Variants in DIP2C observed in about 807,000 individuals in gnomAD.
DIP2C encodes the protein disco-interacting protein 2 homolog C.
In DIP2C, 33 loss-of-function variants were observed where a neutral mutation model predicts 192.4. That is an observed-to-expected ratio of 0.17 (90% confidence interval 0.13 to 0.23). The LOEUF (loss-of-function observed/expected upper bound fraction) is 0.23. Among genes scored for constraint, DIP2C ranks in the 10% least tolerant of loss-of-function variants. The pLI is 1.00. For missense variants in DIP2C, 1,537 were observed against 2,110.1 expected (o/e 0.73, Z 5.32); for synonymous variants, 979 against 864.1 (o/e 1.13, Z -2.33).
At chr10:544,141 CG>C (rs1848156298) in intron 1 of DIP2C, among the ~76,000 whole-genome samples, 2 of 150,618 alleles carry the variant, frequency 1.3e-5, no homozygotes, top group African/African-American at 5.0e-5. Flanking sequence ...TCGCACAGTG[CG>C]TGACCTTTGG....
At chr10:670,366 AC>A (rs1830572142) in intron 1 of DIP2C, among the ~76,000 whole-genome samples, 1 of 152,030 alleles carries the variant, frequency 6.6e-6, no homozygotes, top group Non-Finnish European at 1.5e-5. Context: ...ACACATACAC[AC>A]ATGCACACAC....
chr10:283,429 G>C lies in DIP2C; in HGVS notation c.4137C>G (p.Ala1379=), dbSNP rs1168592766. ...SHLGEIWVHS[A]HNASGYFTIY... ...TAGTGAAATAACCGCTGGCATTGTG[G>C]GCACTGTGAACCCAAATCTGCAAAC... Residue 1379 remains alanine, a synonymous_variant, in exon 35 of 37, where the codon GCC becomes GCG. Coordinates refer to ENST00000280886, the MANE Select transcript of DIP2C (RefSeq NM_014974.3). The C allele has an allele frequency of 6.2e-7, 1 of 1,614,144 alleles. No homozygotes were observed. Among genetic ancestry groups the C allele is most frequent in the South Asian group, 1.1e-5 (1 of 91,066 alleles).
At chr10:475,103 G>C (rs1303836069) in intron 2 of DIP2C, among the ~76,000 whole-genome samples, 1 of 152,132 alleles carries the variant, frequency 6.6e-6, no homozygotes, top group African/African-American at 2.4e-5. Flanking sequence ...TGGAGCCTCT[G>C]TTGTCAGTAT....
chr10:568,886 A>G (rs1014310545), intron 1 of DIP2C, among the ~76,000 whole-genome samples: 9 of 151,402 alleles, frequency 5.9e-5, no homozygotes, highest in South Asian at 2.1e-4. Context: ...GAGCCGTTCA[A>G]GAGTAACAAA....
At chr10:615,696 C>G (rs930039815) in intron 1 of DIP2C, among the ~76,000 whole-genome samples, 6 of 152,158 alleles carry the variant, frequency 3.9e-5, no homozygotes, top group African/African-American at 1.2e-4. Flanking sequence ...GATGACACAT[C>G]CATGCCTCAT....
intron 1 of DIP2C, among the ~76,000 whole-genome samples, chr10:683,711 G>A (rs1021015903): frequency 1.4e-4 from 21 of 152,166 alleles, no homozygotes; most frequent in Non-Finnish European, 2.5e-4. Context: ...TGGGACTGAC[G>A]GGGCCCTGGG....
At chr10:415,111 T>A (rs1965544430) in intron 7 of DIP2C, among the ~76,000 whole-genome samples, 2 of 151,856 alleles carry the variant, frequency 1.3e-5, no homozygotes, top group Admixed American at 1.3e-4. Flanking sequence ...TTTTCCTGAG[T>A]AAAACTAAAA....
At chr10:634,406 A>G (rs1310508361) in intron 1 of DIP2C, among the ~76,000 whole-genome samples, 2 of 152,184 alleles carry the variant, frequency 1.3e-5, no homozygotes, top group Non-Finnish European at 2.9e-5. Context: ...TCAGAGTTGG[A>G]AGTAGCGCTG....
intron 3 of DIP2C, among the ~76,000 whole-genome samples, chr10:458,951 G>A (rs1310253184): frequency 2.8e-5 from 4 of 143,112 alleles, no homozygotes; most frequent in Non-Finnish European, 4.5e-5. Flanking sequence ...TCAAGGATGG[G>A]TTCAGAAGCA....
At chr10:582,439 C>T (rs1850729107) in intron 1 of DIP2C, among the ~76,000 whole-genome samples, 2 of 152,176 alleles carry the variant, frequency 1.3e-5, no homozygotes, top group Admixed American at 6.5e-5. Context: ...GAAAGTTAGC[C>T]AGGCATGCTG....
At position 449,550 on chromosome 10, in the gene DIP2C, A is replaced by T. The variant is rs1968657909; in HGVS notation, c.269-8554T>A. Among the ~76,000 whole-genome samples the T allele has an allele frequency of 4.1e-5, 6 of 146,890 alleles. No homozygotes were observed. The South Asian group carries it at 1.1e-3, about 27-fold the overall frequency. On this transcript the variant is annotated intron_variant, in intron 3 of 36. Coordinates refer to ENST00000280886, the MANE Select transcript of DIP2C (RefSeq NM_014974.3). ...GTGGTATGTGGCTTACTCCAGGCTA[A>T]GGAGTGAGTAAGGCAGCCTATTCTT...
intron 3 of DIP2C, among the ~76,000 whole-genome samples, chr10:462,499 C>A (rs955823696): frequency 2.0e-5 from 3 of 152,162 alleles, no homozygotes; most frequent in Admixed American, 1.3e-4. Context: ...CTGAATAGAC[C>A]AATAACAAGT....
At chr10:536,469 A>T (rs944065738) in intron 1 of DIP2C, among the ~76,000 whole-genome samples, 1 of 152,174 alleles carries the variant, frequency 6.6e-6, no homozygotes, top group African/African-American at 2.4e-5. Context: ...CTATCTGCAA[A>T]GACCCTGTTC....
chr10:330,978 ATTTT>A (rs34830576), intron 29 of DIP2C, among the ~76,000 whole-genome samples: 29 of 100,330 alleles, frequency 2.9e-4, no homozygotes, highest in Admixed American at 4.3e-4. Context: ...TGCCTGGCTA[ATTTT>A]TTTTTTTTTT....
chr10:628,347 A>G (rs1854314924), intron 1 of DIP2C, among the ~76,000 whole-genome samples: 2 of 152,210 alleles, frequency 1.3e-5, no homozygotes, highest in South Asian at 2.1e-4. Flanking sequence ...CACCTGTGTC[A>G]CATTCAAATG....
chr10:437,065 C>T (rs113107443), intron 4 of DIP2C, among the ~76,000 whole-genome samples: 13 of 142,542 alleles, frequency 9.1e-5, no homozygotes, highest in East Asian at 8.8e-4. Context: ...TGATATGCTC[C>T]GCCCACACCT....
chr10:588,793 T>TGAC (rs905723473), intron 1 of DIP2C, among the ~76,000 whole-genome samples: 4 of 152,210 alleles, frequency 2.6e-5, no homozygotes, highest in African/African-American at 9.6e-5. Context: ...CCCCAGCCAC[T>TGAC]GACAAGAGCC....
intron 32 of DIP2C, among the ~76,000 whole-genome samples, chr10:298,316 G>A (rs908491238): frequency 1.3e-5 from 2 of 152,210 alleles, no homozygotes; most frequent in Non-Finnish European, 2.9e-5. Context: ...TTCATGGGTA[G>A]ACACGGATCA....
At chr10:344,165 C>G (rs1047615608) in intron 28 of DIP2C, among the ~76,000 whole-genome samples, 3 of 152,228 alleles carry the variant, frequency 2.0e-5, no homozygotes, top group Non-Finnish European at 4.4e-5. Context: ...TCACAGCTAA[C>G]TTCAGACCAC....
Sources: allele counts gnomAD v4.1 joint callset (sites outside exome capture counted in the v4.1 genomes callset), GRCh38; gene constraint gnomAD v4.1.1; transcripts MANE v1.5; gene names NCBI Gene and HGNC (gene_info 2026-07-23, HGNC 2026-07-21).